The following PCDHA3 variants were observed in gnomAD, a reference collection of about 807,000 sequenced individuals.
The protein encoded by PCDHA3 is protocadherin alpha 3, also known as protocadherin alpha-3.
A neutral mutation model predicts 62.2 loss-of-function variants in PCDHA3; 41 were observed. The ratio of observed to expected loss-of-function variants is 0.66; its 90% CI spans 0.51 to 0.86. The LOEUF (loss-of-function observed/expected upper bound fraction) is 0.86. Ranked by LOEUF, PCDHA3 falls within the 40% of genes least tolerant of loss-of-function variation. PCDHA3 has a pLI of 0.00. For missense variants in PCDHA3, 1,304 were observed against 1,241.2 expected (o/e 1.05, Z -0.76); for synonymous variants, 640 against 555.4 (o/e 1.15, Z -2.14).
At chr5:140,834,343 G>A in intron 1 of PCDHA3, 2 of 1,517,652 alleles carry the variant, frequency 1.3e-6, no homozygotes, top group South Asian at 1.3e-5. Context: ...TAAATTCGAA[G>A]GCAAGTTTTG....
intron 1 of PCDHA3, among the ~76,000 whole-genome samples, chr5:140,846,545 T>G (rs1374856613): frequency 6.7e-6 from 1 of 148,364 alleles, no homozygotes; most frequent in Non-Finnish European, 1.5e-5. Context: ...CTGCTAATTT[T>G]TTGTATTTTT....
At position 140,803,555 on chromosome 5, in the gene PCDHA3, G is replaced by A; in HGVS notation, c.2358G>A (p.Glu786=). Reference sequence around the variant, plus strand: ...CTTGTCCAATTAGCCGGGATAGAGAGGAGAAACAGGATGTGGACGTTGATC... The same window carrying A: ...CTTGTCCAATTAGCCGGGATAGAGAAGAGAAACAGGATGTGGACGTTGATC... The part of the protein sequence containing the change: ...LPPCPISRDR[E]EKQDVDVDLS... Residue 786 remains glutamate, a synonymous_variant, in exon 1 of 4, where the codon GAG becomes GAA. Transcript: ENST00000522353. 1.9e-6 allele frequency: 3 copies of A among 1,614,228 alleles called. No individual in the cohort carries two copies. The highest frequency in any genetic ancestry group is 2.5e-6 in the Non-Finnish European group (3 of 1,180,044).
chr5:140,869,158 C>T (rs782164931), intron 1 of PCDHA3: 1 of 1,613,872 alleles, frequency 6.2e-7, no homozygotes, highest in East Asian at 2.2e-5. Context: ...GCTCTGGCTT[C>T]TCCTCCTCGA....
In PCDHA3 at chr5:140,876,702, C is replaced by A. The variant is rs1554168805; in HGVS notation, c.2394+73111C>A. 6.2e-7 allele frequency: 1 copy of A among 1,614,242 alleles called. No homozygotes were observed. Among genetic ancestry groups the A allele is most frequent in the Admixed American group, 1.7e-5 (1 of 60,028 alleles). The stretch of plus-strand genomic sequence containing the variant: ...AGAATTACTACTCGTTGGTGCTGGA[C>A]AGCGCCCTGGACCGCGAGAGCGTGT... On this transcript the variant is annotated intron_variant, in intron 1 of 3. Coordinates refer to ENST00000522353, the MANE Select transcript of PCDHA3 (RefSeq NM_018906.3).
intron 1 of PCDHA3, chr5:140,882,155 T>C (rs1317545188): frequency 1.3e-6 from 2 of 1,504,050 alleles, no homozygotes; most frequent in Admixed American, 2.3e-5. Flanking sequence ...GAAAGCGGAA[T>C]ACCTCTTGCG....
Position 140,802,724 on chromosome 5 carries a change from G to A in PCDHA3, c.1527G>A (p.Ser509=), listed in dbSNP as rs1305715476. 3 of 1,612,466 alleles carry A rather than the reference G, an allele frequency of 1.9e-6. No individual in the cohort carries two copies. The highest frequency in any genetic ancestry group is 1.1e-5 in the South Asian group (1 of 91,024). ...AGCGCGCGCTGTCGAGCTACGTGTCGGTACACGCGGAGAGCGGCAAGGTGT... is the reference window on the plus strand; with the variant it reads ...AGCGCGCGCTGTCGAGCTACGTGTCAGTACACGCGGAGAGCGGCAAGGTGT... ...VGERALSSYV[S]VHAESGKVYA... is the part of the protein sequence containing the mutation. The change falls in exon 1 of 4, where the codon TCG becomes TCA. Residue 509 remains serine (S), a synonymous_variant. Transcript: ENST00000522353.
rs112338455 is a variant in PCDHA3 at position 140,903,390 on chromosome 5, A to G, written c.2395-75559A>G. ...TATAGGGAGGATTGTGGTTACTTCT[A>G]GAAACAGTAGTGCAGTCAGGAAAAA... On this transcript the variant is annotated intron_variant, in intron 1 of 3. Coordinates refer to ENST00000522353, the MANE Select transcript of PCDHA3 (RefSeq NM_018906.3). Among the ~76,000 whole-genome samples the G allele has an allele frequency of 4.3e-3, 662 of 152,354 alleles. 6 individuals are homozygous for G. Among genetic ancestry groups the G allele is most frequent in the African/African-American group, 0.015 (618 of 41,596 alleles).
intron 1 of PCDHA3, chr5:140,857,853 A>G (rs782574851): frequency 1.3e-6 from 2 of 1,597,574 alleles, no homozygotes; most frequent in East Asian, 2.2e-5. Flanking sequence ...GACTCTGGAT[A>G]CAACGCGTGG....
intron 1 of PCDHA3, chr5:140,827,904 G>T: frequency 2.5e-6 from 2 of 786,506 alleles, no homozygotes; most frequent in East Asian, 2.5e-5. Context: ...TTTTGGAGCC[G>T]CATGATGTCG....
intron 1 of PCDHA3, among the ~76,000 whole-genome samples, chr5:140,879,556 A>G (rs2058036538): frequency 6.6e-6 from 1 of 152,240 alleles, no homozygotes; most frequent in South Asian, 2.1e-4. Context: ...AAAATAATCC[A>G]TGAAAGAATA....
chr5:140,805,807 G>C (rs1763634308), intron 1 of PCDHA3, among the ~76,000 whole-genome samples: 1 of 152,022 alleles, frequency 6.6e-6, no homozygotes, highest in Non-Finnish European at 1.5e-5. Flanking sequence ...GAAAATCATA[G>C]AGGCTATTGA....
At chr5:140,983,481 T>A (rs782574681) in intron 3 of PCDHA3, among the ~76,000 whole-genome samples, 2 of 152,226 alleles carry the variant, frequency 1.3e-5, no homozygotes, top group Non-Finnish European at 2.9e-5. Context: ...TAATAGTAGT[T>A]ACTAATTATT....
chr5:140,803,920 T>C, intron 1 of PCDHA3: 7 of 488,680 alleles, frequency 1.4e-5, no homozygotes, highest in Non-Finnish European at 2.2e-5. Flanking sequence ...CTTCGACTTG[T>C]TTTATACTTA....
chr5:140,969,781 A>G (rs1017019880), intron 1 of PCDHA3, among the ~76,000 whole-genome samples: 3 of 152,336 alleles, frequency 2.0e-5, no homozygotes, highest in East Asian at 1.9e-4. Flanking sequence ...AGGGGCTATC[A>G]TAGTCACCAC....
chr5:140,929,033 G>A (rs2085746479), intron 1 of PCDHA3: 1 of 1,614,186 alleles, frequency 6.2e-7, no homozygotes, highest in Non-Finnish European at 8.5e-7. Flanking sequence ...CCAGGCTGTT[G>A]CGCTCAGAGC....
Position 141,010,042 on chromosome 5 carries a change from T to C in PCDHA3, c.*105T>C. 6.3e-7 allele frequency: 1 copy of C among 1,594,374 alleles called. No homozygotes were observed. The highest frequency in any genetic ancestry group is 8.5e-7 in the Non-Finnish European group (1 of 1,171,086). ...TTTTTCCTATCTACATGAGCCCTCT[T>C]AGAGACCTCAGAAATCTGCAGAAAG... On this transcript the variant is annotated 3_prime_UTR_variant, in exon 4 of 4. Transcript: ENST00000522353.
intron 1 of PCDHA3, chr5:140,884,055 C>T (rs782119019): frequency 2.2e-5 from 36 of 1,613,356 alleles, no homozygotes; most frequent in Non-Finnish European, 1.7e-6. Flanking sequence ...AAGGTGCGCG[C>T]GGTGGACGCC....
At chr5:140,860,288 G>A (rs1305065556) in intron 1 of PCDHA3, 2 of 151,928 alleles carry the variant, frequency 1.3e-5, no homozygotes, top group African/African-American at 4.8e-5. Context: ...GGGTGAGGTG[G>A]GAGGACGGCT....
intron 1 of PCDHA3, among the ~76,000 whole-genome samples, chr5:140,905,582 A>C (rs1281901890): frequency 1.3e-5 from 2 of 152,068 alleles, no homozygotes; most frequent in South Asian, 2.1e-4. Flanking sequence ...AATGATAATG[A>C]TATTTTGCTG....
Sources: allele counts gnomAD v4.1 joint callset (sites outside exome capture counted in the v4.1 genomes callset), GRCh38; gene constraint gnomAD v4.1.1; transcripts MANE v1.5; gene names NCBI Gene and HGNC (gene_info 2026-07-23, HGNC 2026-07-21).